ZNF407: variants seen among roughly 807,000 people sequenced by gnomAD.
ZNF407 encodes zinc finger protein 407.
A neutral mutation model predicts 131.2 loss-of-function variants in ZNF407; 17 were observed. That is an observed-to-expected ratio of 0.13 (90% confidence interval 0.09 to 0.19). The LOEUF (loss-of-function observed/expected upper bound fraction) is 0.19, where lower values mean the gene tolerates loss of function less well. Among genes scored for constraint, ZNF407 ranks in the 10% least tolerant of loss-of-function variants. The pLI, the probability that ZNF407 is intolerant of heterozygous loss-of-function variation, is 1.00. For missense variants in ZNF407, 2,681 were observed against 2,830.6 expected, an observed-to-expected ratio of 0.95 and a Z score of 1.20; for synonymous variants, 1,156 against 1,062.0, an observed-to-expected ratio of 1.09 and a Z score of -1.72.
At chr18:74,854,635 ATTGT>A (rs1970833687) in intron 4 of ZNF407, among the ~76,000 whole-genome samples, 1 of 152,046 alleles carries the variant, frequency 6.6e-6, no homozygotes, top group Non-Finnish European at 1.5e-5. Flanking sequence ...TTGAGATTGG[ATTGT>A]TTTTCTCAAT....
At chr18:74,649,958 A>T (rs990130852) in intron 3 of ZNF407, among the ~76,000 whole-genome samples, 1 of 152,200 alleles carries the variant, frequency 6.6e-6, no homozygotes, top group African/African-American at 2.4e-5. Context: ...TTGAGTTTAG[A>T]TGGTCACTTC....
chr18:74,952,721 T>G (rs1972229697), intron 8 of ZNF407, among the ~76,000 whole-genome samples: 1 of 152,202 alleles, frequency 6.6e-6, no homozygotes. Context: ...ATATTTAAAG[T>G]GTACAGTGTG....
intron 8 of ZNF407, among the ~76,000 whole-genome samples, chr18:74,975,774 G>C (rs1382038455): frequency 1.3e-5 from 2 of 152,156 alleles, no homozygotes; most frequent in East Asian, 3.9e-4. Context: ...ATGATAATGG[G>C]ATAACATACA....
At chr18:75,041,823 G>A (rs1973377415) in intron 8 of ZNF407, among the ~76,000 whole-genome samples, 1 of 152,176 alleles carries the variant, frequency 6.6e-6, no homozygotes, top group African/African-American at 2.4e-5. Context: ...TAAACACTGT[G>A]TAGCCTGCAT....
intron 3 of ZNF407, among the ~76,000 whole-genome samples, chr18:74,653,297 T>G (rs2144714518): frequency 6.6e-6 from 1 of 151,996 alleles, no homozygotes; most frequent in Middle Eastern, 3.4e-3. Context: ...CTTTAAAAGT[T>G]TATTTAAGCG....
intron 8 of ZNF407, among the ~76,000 whole-genome samples, chr18:74,985,646 A>C (rs977682932): frequency 6.6e-5 from 10 of 152,202 alleles, no homozygotes; most frequent in African/African-American, 2.4e-4. Flanking sequence ...GCCTTTAGAG[A>C]GGATCGAGCA....
rs578075594 is a variant in ZNF407 at position 75,053,994 on chromosome 18, A to G, written c.5429-9156A>G. ...TCTCCTGCTTTCATTTCCTGGACTC[A>G]GGGATTTCTGCGGGTTTGGATCTCC... is the stretch of plus-strand genomic sequence containing the variant. On this transcript the variant is annotated intron_variant, in intron 8 of 8. Coordinates refer to ENST00000299687, the MANE Select transcript of ZNF407 (RefSeq NM_017757.3). Among the ~76,000 whole-genome samples, 120 of 152,298 alleles carry G rather than the reference A, an allele frequency of 7.9e-4. 2 individuals carry two copies. The South Asian group carries it at 0.021, about 26-fold the overall frequency.
At chr18:74,702,678 G>A (rs1242635172) in intron 3 of ZNF407, among the ~76,000 whole-genome samples, 1 of 152,018 alleles carries the variant, frequency 6.6e-6, no homozygotes, top group Non-Finnish European at 1.5e-5. Context: ...ATCAGAAGCA[G>A]CATAGCATAT....
At position 74,601,232 on chromosome 18, in the gene ZNF407, G is replaced by A. The variant is rs571281672; in HGVS notation, c.-54+3295G>A. Among the ~76,000 whole-genome samples the A allele has an allele frequency of 2.0e-4, 31 of 152,210 alleles. No individual in the cohort carries two copies. In the South Asian group the frequency reaches 6.4e-3, roughly 32 times the overall value. On this transcript the variant is annotated intron_variant, in intron 1 of 8. Coordinates refer to ENST00000299687, the MANE Select transcript of ZNF407 (RefSeq NM_017757.3). ...TCATTTCTGTGAACACGTTGAGTGGGCAGTTGTATGGATGAGTCTGCAATC... is the reference window on the plus strand; with the variant it reads ...TCATTTCTGTGAACACGTTGAGTGGACAGTTGTATGGATGAGTCTGCAATC...
intron 8 of ZNF407, among the ~76,000 whole-genome samples, chr18:74,941,387 A>G (rs2145268312): frequency 6.6e-6 from 1 of 152,218 alleles, no homozygotes; most frequent in South Asian, 2.1e-4. Flanking sequence ...CAGGAGGGGC[A>G]TACTGGGTGG....
chr18:74,938,084 C>T (rs184647994), intron 8 of ZNF407, among the ~76,000 whole-genome samples: 24 of 152,258 alleles, frequency 1.6e-4, no homozygotes, highest in African/African-American at 5.1e-4. Context: ...CCAATCCCAG[C>T]GCATTATGCT....
chr18:74,794,742 A>G lies in ZNF407; in HGVS notation c.4877+13240A>G, dbSNP rs1294225979. Among the ~76,000 whole-genome samples, 12 of 152,160 alleles carry G rather than the reference A, an allele frequency of 7.9e-5. No individual in the cohort carries two copies. The East Asian group carries it at 9.6e-4, about 12-fold the overall frequency. On this transcript the variant is annotated intron_variant, in intron 4 of 8. Coordinates refer to ENST00000299687, the MANE Select transcript of ZNF407 (RefSeq NM_017757.3). ...CATAACTTCACCTTTTTTGGTAAAA[A>G]TGAACTATGATTTCATAGTTCTTTG... is the stretch of plus-strand genomic sequence containing the variant.
chr18:75,026,845 G>T (rs902996828), intron 8 of ZNF407, among the ~76,000 whole-genome samples: 1 of 152,220 alleles, frequency 6.6e-6, no homozygotes, highest in Non-Finnish European at 1.5e-5. Flanking sequence ...CCCTGATCAA[G>T]TTGAGCTACA....
rs553192489 is a variant in ZNF407, at chr18:74,811,894, G to C, written c.4877+30392G>C. ...TGTTGTGGGGTAAGGGGAAGGGGGA[G>C]GGGGGAGGGATAGCATTAGGAGATA... is the stretch of plus-strand genomic sequence containing the variant. On this transcript the variant is annotated intron_variant, in intron 4 of 8. Coordinates refer to ENST00000299687, the MANE Select transcript of ZNF407 (RefSeq NM_017757.3). 3.4e-3 allele frequency among the ~76,000 whole-genome samples: 504 copies of C among 149,986 alleles called. 2 individuals carry two copies. The highest frequency in any genetic ancestry group is 0.01 in the South Asian group (48 of 4,690).
At chr18:74,711,052 GTCCATTCTCCATGGATGCTATTATCAA>G (rs1967749486) in intron 3 of ZNF407, among the ~76,000 whole-genome samples, 1 of 150,802 alleles carries the variant, frequency 6.6e-6, no homozygotes, top group Non-Finnish European at 1.5e-5. Context: ...AATTCACTCT[GTCCATTCTCCATGGATGCTATTATCAA>G]TTCACTCTGT....
At chr18:74,954,419 C>T (rs956750887) in intron 8 of ZNF407, among the ~76,000 whole-genome samples, 5 of 152,074 alleles carry the variant, frequency 3.3e-5, no homozygotes, top group Non-Finnish European at 7.4e-5. Context: ...TATTAAGCTT[C>T]TCTCCTTCCA....
At chr18:74,705,006 T>C (rs1191040533) in intron 3 of ZNF407, among the ~76,000 whole-genome samples, 2 of 152,232 alleles carry the variant, frequency 1.3e-5, no homozygotes, top group African/African-American at 4.8e-5. Flanking sequence ...CCTTCCCTAG[T>C]TGCATTTTAG....
intron 4 of ZNF407, among the ~76,000 whole-genome samples, chr18:74,797,333 C>G (rs1969938873): frequency 6.6e-6 from 1 of 152,214 alleles, no homozygotes; most frequent in African/African-American, 2.4e-5. Context: ...GCTGTTTGCT[C>G]TGGCTGACAT....
chr18:74,873,025 G>T (rs1277983627), intron 4 of ZNF407, among the ~76,000 whole-genome samples: 1 of 152,006 alleles, frequency 6.6e-6, no homozygotes, highest in African/African-American at 2.4e-5. Context: ...GGAAACATAA[G>T]GTTATAGATA....
Sources: gnomAD v4.1 joint callset for allele counts (sites outside exome capture counted in the v4.1 genomes callset) on GRCh38, gnomAD v4.1.1 for gene constraint, MANE v1.5 for transcripts, NCBI Gene and HGNC (gene_info 2026-07-23, HGNC 2026-07-21) for gene names.